ZNF749: variants seen among roughly 807,000 people sequenced by gnomAD.
The protein encoded by ZNF749 is zinc finger protein 749.
ZNF749 carries 8 observed loss-of-function variants against 7.3 expected under a neutral mutation model. That is an observed-to-expected ratio of 1.10 (90% CI 0.64 to 1.98). The LOEUF (loss-of-function observed/expected upper bound fraction) is 1.98, where lower values mean the gene tolerates loss of function less well. Among genes scored for constraint, ZNF749 ranks in the 30% most tolerant of loss-of-function variants. The pLI is 0.00. For synonymous variants in ZNF749, 310 were observed against 322.4 expected, an observed-to-expected ratio of 0.96 and a Z score of 0.41; for missense variants, 898 against 932.4, an observed-to-expected ratio of 0.96 and a Z score of 0.48.
upstream of ZNF749, among the ~76,000 whole-genome samples, chr19:57,430,779 C>A (rs1042868766): frequency 3.9e-5 from 6 of 152,052 alleles, no homozygotes; most frequent in Non-Finnish European, 8.8e-5. Context: ...CGGTGGCTCA[C>A]GCCTGTAATC....
At position 57,446,411 on chromosome 19, in the gene ZNF749, G is replaced by A. The variant is rs2089066063; in HGVS notation, c.*926G>A. On this transcript the variant is annotated 3_prime_UTR_variant, in exon 3 of 3. Transcript: ENST00000334181. Reference sequence around the variant, plus strand: ...CCTGGTGCCAAAGAGGTTGGGGACCGCTGCTTTAAACTACTCCTCTTCCTC... The same window carrying A: ...CCTGGTGCCAAAGAGGTTGGGGACCACTGCTTTAAACTACTCCTCTTCCTC... Among the ~76,000 whole-genome samples the A allele has an allele frequency of 6.6e-6, 1 of 152,256 alleles. No homozygotes were observed. The highest frequency in any genetic ancestry group is 2.4e-5 in the African/African-American group (1 of 41,556).
At position 57,443,859 on chromosome 19, in the gene ZNF749, C is replaced by T. The variant is rs1279256779; in HGVS notation, c.711C>T (p.Ser237=). The T allele has an allele frequency of 1.2e-6, 2 of 1,613,702 alleles. No homozygotes were observed. The highest frequency in any genetic ancestry group is 1.7e-6 in the Non-Finnish European group (2 of 1,179,674). ...GTGGGGAATTGTTTAGGTACAACTC[C>T]AACCTTATTAAATATCAGCAAAATC... ...SECGELFRYN[S]NLIKYQQNHA... Residue 237 remains serine (S), a synonymous_variant, in exon 3 of 3, where the codon TCC becomes TCT. Transcript: ENST00000334181.
rs759997170 is a variant in ZNF749 at position 57,443,927 on chromosome 19, C to T, written c.779C>T (p.Thr260Ile). 1.2e-6 allele frequency: 2 copies of T among 1,613,794 alleles called. No homozygotes were observed. Among genetic ancestry groups the T allele is most frequent in the South Asian group, 1.1e-5 (1 of 91,064 alleles). The stretch of plus-strand genomic sequence containing the variant: ...TATGAGGGCACTGAATATGGAAAGA[C>T]CTTTATTAGAAAGTCCAACCTAGTT... The part of the protein sequence containing the change: ...RPYEGTEYGK[T>I]FIRKSNLVQH... The change falls in exon 3 of 3, where the codon ACC becomes ATC. Residue 260 changes from threonine to isoleucine, a missense_variant. Transcript: ENST00000334181.
rs1014207330 is a variant in ZNF749, at chr19:57,443,797, A to C, written c.649A>C (p.Thr217Pro). The C allele has an allele frequency of 6.2e-7, 1 of 1,614,140 alleles. No homozygotes were observed. Among genetic ancestry groups the C allele is most frequent in the Non-Finnish European group, 8.5e-7 (1 of 1,180,030 alleles). ...HQHGLFEHQK[T>P]HNGERPYEFS... Reference sequence around the variant, plus strand: ...ACATGGGCTGTTTGAGCACCAAAAAACCCATAATGGGGAGAGGCCTTATGA... The same window carrying C: ...ACATGGGCTGTTTGAGCACCAAAAACCCCATAATGGGGAGAGGCCTTATGA... Residue 217 changes from threonine to proline, a missense_variant, in exon 3 of 3, where the codon ACC (threonine) becomes CCC (proline). Thr to Pro is a conservative substitution (Grantham distance 38). Coordinates refer to ENST00000334181, the MANE Select transcript of ZNF749 (RefSeq NM_001023561.4).
At chr19:57,441,156 GGCTAGGCAT>G (rs1225520968) in intron 1 of ZNF749, among the ~76,000 whole-genome samples, 1 of 150,818 alleles carries the variant, frequency 6.6e-6, no homozygotes, top group Non-Finnish European at 1.5e-5. Flanking sequence ...GGGCGCCCTG[GGCTAGGCAT>G]TGATGATGCT....
chr19:57,438,132 G>C, intron 1 of ZNF749: 1 of 398,922 alleles, frequency 2.5e-6, no homozygotes, highest in East Asian at 3.6e-5. Flanking sequence ...GATCAACTCA[G>C]TATGCCACTG....
the ZNF749 span, among the ~76,000 whole-genome samples, chr19:57,430,121 T>C: frequency 1.3e-5 from 2 of 152,342 alleles, no homozygotes; most frequent in African/African-American, 2.4e-5. Context: ...ACAAGTGGCA[T>C]GTCTTAGTCT....
chr19:57,429,305 C>T, the ZNF749 span, among the ~76,000 whole-genome samples: 5 of 152,288 alleles, frequency 3.3e-5, no homozygotes, highest in South Asian at 2.1e-4. The surrounding 1 kb of genome is among the most constrained non-coding windows in gnomAD (Gnocchi z 4.2). Context: ...GGATTACAGG[C>T]GTGAGCCACT....
chr19:57,445,152 T>C lies in ZNF749; in HGVS notation c.2004T>C (p.Tyr668=), dbSNP rs1313842328. ...HQRVHTGEKP[Y]ECSNCGKFLR... ...GAGTTCATACTGGAGAAAAGCCTTA[T>C]GAATGCAGCAACTGTGGGAAGTTTC... The change falls in exon 3 of 3, where the codon TAT becomes TAC. Residue 668 remains tyrosine (Y), a synonymous_variant. Transcript: ENST00000334181. 1.2e-6 allele frequency: 2 copies of C among 1,614,172 alleles called. No homozygotes were observed. The highest frequency in any genetic ancestry group is 1.6e-4 in the Middle Eastern group (1 of 6,062).
upstream of ZNF749, among the ~76,000 whole-genome samples, chr19:57,433,256 C>T (rs1187733093): frequency 6.6e-6 from 1 of 152,104 alleles, no homozygotes; most frequent in African/African-American, 2.4e-5. Flanking sequence ...AATTAGAAAG[C>T]TGTCAGTTCT....
intron 1 of ZNF749, among the ~76,000 whole-genome samples, chr19:57,441,472 G>A (rs1237059535): frequency 6.6e-6 from 1 of 152,142 alleles, no homozygotes; most frequent in Non-Finnish European, 1.5e-5. Context: ...AGTGCAGGGG[G>A]AATGCCGTGC....
chr19:57,433,924 T>C (rs2088912167), upstream of ZNF749, among the ~76,000 whole-genome samples: 1 of 152,106 alleles, frequency 6.6e-6, no homozygotes. Context: ...TTGTAGTGCA[T>C]TGTAAAAAGC....
upstream of ZNF749, among the ~76,000 whole-genome samples, chr19:57,433,493 A>G (rs1325390879): frequency 6.6e-6 from 1 of 152,206 alleles, no homozygotes; most frequent in East Asian, 1.9e-4. Flanking sequence ...GGAACTATCC[A>G]CGTTAGTGGG....
upstream of ZNF749, among the ~76,000 whole-genome samples, chr19:57,432,182 G>A (rs2088902038): frequency 6.6e-6 from 1 of 151,570 alleles, no homozygotes; most frequent in African/African-American, 2.4e-5. Flanking sequence ...AATGCTTTAA[G>A]AAAGTACATC....
At chr19:57,437,801 C>T (rs1210574462) in intron 1 of ZNF749, among the ~76,000 whole-genome samples, 5 of 151,594 alleles carry the variant, frequency 3.3e-5, no homozygotes, top group African/African-American at 1.2e-4. Context: ...TGTACAAAAC[C>T]ATTAATCCTA....
chr19:57,443,312 A>C lies in ZNF749; in HGVS notation c.164A>C (p.Asp55Ala). The C allele has an allele frequency of 1.2e-6, 2 of 1,607,728 alleles. No individual in the cohort carries two copies. The highest frequency in any genetic ancestry group is 1.7e-6 in the Non-Finnish European group (2 of 1,175,906). Residue 55 changes from aspartate to alanine, a missense_variant, in exon 3 of 3, where the codon GAT becomes GCT. Transcript: ENST00000334181. ...ACAGGTTGTTGGCATGGAGCCAAGG[A>C]TGAGGAGGTACCTTCCAAGCAGTGT... ...SSVGCWHGAK[D>A]EEVPSKQCVS...
Position 57,442,788 on chromosome 19 carries a change from CCTGTTGTTATTTTTACT to C in ZNF749, c.143-499_143-483del, listed in dbSNP as rs1247991223. ...CCACTCGTCACTCTTCCTTTCCTTC[CCTGTTGTTATTTTTACT>C]CTGACTTCTGACCCCTGGCTTCCAC... On this transcript the variant is annotated intron_variant, in intron 2 of 2. Coordinates refer to ENST00000334181, the MANE Select transcript of ZNF749 (RefSeq NM_001023561.4). The surrounding 1 kb of genome is among the most constrained non-coding windows in gnomAD (Gnocchi z 6.6). 6.6e-6 allele frequency among the ~76,000 whole-genome samples: 1 copy of C among 152,110 alleles called. No individual in the cohort carries two copies. The highest frequency in any genetic ancestry group is 1.5e-5 in the Non-Finnish European group (1 of 68,042).
upstream of ZNF749, among the ~76,000 whole-genome samples, chr19:57,430,900 C>T (rs1459639704): frequency 1.3e-5 from 2 of 151,860 alleles, no homozygotes; most frequent in Admixed American, 6.6e-5. Context: ...ATTAGCTGGG[C>T]GTGATGGTGC....
At position 57,444,902 on chromosome 19, in the gene ZNF749, A is replaced by G. The variant is rs779984815; in HGVS notation, c.1754A>G (p.Glu585Gly). The change falls in exon 3 of 3, where the codon GAA (glutamate) becomes GGA (glycine). Residue 585 changes from glutamate to glycine, a missense_variant. By Grantham distance (98) the Glu-to-Gly change is moderately conservative. Coordinates refer to ENST00000334181, the MANE Select transcript of ZNF749 (RefSeq NM_001023561.4). Reference sequence around the variant, plus strand: ...ATCCAGACTGGAGAACGGCGTTATGAATGCAATGAATGTGGGAAATTCTTT... The same window carrying G: ...ATCCAGACTGGAGAACGGCGTTATGGATGCAATGAATGTGGGAAATTCTTT... ...QKIQTGERRY[E>G]CNECGKFFLD... 6.2e-7 allele frequency: 1 copy of G among 1,614,172 alleles called. No homozygotes were observed. Among genetic ancestry groups the G allele is most frequent in the Non-Finnish European group, 8.5e-7 (1 of 1,180,010 alleles).
Sources: allele counts gnomAD v4.1 joint callset (sites outside exome capture counted in the v4.1 genomes callset), GRCh38; gene constraint gnomAD v4.1.1; non-coding constraint Gnocchi (gnomAD v3.1); transcripts MANE v1.5; gene names NCBI Gene and HGNC (gene_info 2026-07-23, HGNC 2026-07-21).